Variants in EYS observed in about 807,000 individuals in gnomAD.
EYS encodes EGF-like photoreceptor maintenance factor, also known as protein eyes shut homolog.
A neutral mutation model predicts 282.1 loss-of-function variants in EYS; 250 were observed. The ratio of observed to expected loss-of-function variants is 0.89; its 90% confidence interval spans 0.80 to 0.98. The LOEUF (loss-of-function observed/expected upper bound fraction) is 0.98. EYS is among the 50% of genes least tolerant of loss of function. The pLI, the probability that EYS is intolerant of heterozygous loss-of-function variation, is 0.00. For synonymous variants in EYS, 1,355 were observed against 1,282.9 expected (o/e 1.06, Z -1.20); for missense variants, 4,016 against 3,709.0 (o/e 1.08, Z -2.15).
chr6:64,433,413 CA>C (rs747503284), intron 28 of EYS, among the ~76,000 whole-genome samples: 40 of 151,870 alleles, frequency 2.6e-4, no homozygotes, highest in South Asian at 2.5e-3. Context: ...TTTTTTTCCC[CA>C]GGACTATATT....
At chr6:63,896,183 G>C (rs1773533877) in intron 35 of EYS, among the ~76,000 whole-genome samples, 1 of 152,068 alleles carries the variant, frequency 6.6e-6, no homozygotes, top group African/African-American at 2.4e-5. Context: ...TGTTGCTTAT[G>C]AGTTCCAAAT....
At chr6:65,697,733 C>T (rs1484378421) in intron 1 of EYS, among the ~76,000 whole-genome samples, 1 of 152,056 alleles carries the variant, frequency 6.6e-6, no homozygotes, top group African/African-American at 2.4e-5. Context: ...TAAAATTAGA[C>T]GATGGAACCA....
chr6:65,249,587 T>C (rs191347602), intron 12 of EYS, among the ~76,000 whole-genome samples: 131 of 151,566 alleles, frequency 8.6e-4, no homozygotes, highest in African/African-American at 2.9e-3. Flanking sequence ...TTAAACACTA[T>C]CAAGAAAAGA....
At chr6:64,717,347 C>G (rs1312916575) in intron 22 of EYS, among the ~76,000 whole-genome samples, 1 of 152,166 alleles carries the variant, frequency 6.6e-6, no homozygotes, top group East Asian at 1.9e-4. Flanking sequence ...CAGCTGCTCC[C>G]CATTGCTCAT....
intron 31 of EYS, among the ~76,000 whole-genome samples, chr6:64,097,524 G>C (rs950861035): frequency 2.0e-5 from 3 of 152,132 alleles, no homozygotes; most frequent in African/African-American, 7.2e-5. Context: ...CAATGAACAA[G>C]GCTGCGTGGG....
chr6:64,294,895 T>C (rs1483957737), intron 30 of EYS, among the ~76,000 whole-genome samples: 1 of 152,190 alleles, frequency 6.6e-6, no homozygotes. Context: ...AAGGGGGGTA[T>C]GCATAATGTA....
Position 63,740,680 on chromosome 6 carries a change from T to A in EYS, c.8072-14000A>T, listed in dbSNP as rs550755401. Among the ~76,000 whole-genome samples the A allele has an allele frequency of 8.2e-4, 125 of 152,330 alleles. 1 individual carries two copies. Among genetic ancestry groups the A allele is most frequent in the African/African-American group, 2.8e-3 (116 of 41,586 alleles). ...GAGATAGATGAAGAAATATTTAGAATGGATTCTGTGTTTTGAAACAATGCA... is the reference window on the plus strand; with the variant it reads ...GAGATAGATGAAGAAATATTTAGAAAGGATTCTGTGTTTTGAAACAATGCA... On this transcript the variant is annotated intron_variant, in intron 41 of 42. Coordinates refer to ENST00000503581, the MANE Select transcript of EYS (RefSeq NM_001142800.2).
At chr6:64,073,883 T>C (rs1771676542) in intron 32 of EYS, among the ~76,000 whole-genome samples, 1 of 151,760 alleles carries the variant, frequency 6.6e-6, no homozygotes. Context: ...AGGCAGGACT[T>C]GAAAGCTCTA....
At chr6:65,089,245 C>T (rs1003201232) in intron 12 of EYS, among the ~76,000 whole-genome samples, 2 of 152,112 alleles carry the variant, frequency 1.3e-5, no homozygotes, top group Admixed American at 6.5e-5. Context: ...CTATGACTAG[C>T]ACCTTACACT....
At chr6:65,040,545 G>A (rs1476684315) in intron 13 of EYS, among the ~76,000 whole-genome samples, 1 of 151,540 alleles carries the variant, frequency 6.6e-6, no homozygotes, top group Non-Finnish European at 1.5e-5. Flanking sequence ...ACATTACATT[G>A]TGATATGACC....
intron 26 of EYS, among the ~76,000 whole-genome samples, chr6:64,573,430 G>T (rs1465042201): frequency 1.3e-5 from 2 of 152,096 alleles, no homozygotes; most frequent in Non-Finnish European, 2.9e-5. Context: ...TTGCAAATGG[G>T]ATCTAATTAA....
At chr6:65,291,002 T>C (rs1474238950) in intron 12 of EYS, among the ~76,000 whole-genome samples, 1 of 151,494 alleles carries the variant, frequency 6.6e-6, no homozygotes, top group African/African-American at 2.4e-5. Context: ...GATCAAATGG[T>C]ATTAAACAAC....
At chr6:64,033,797 T>C (rs1309072730) in intron 33 of EYS, among the ~76,000 whole-genome samples, 2 of 151,550 alleles carry the variant, frequency 1.3e-5, no homozygotes, top group Non-Finnish European at 2.9e-5. Flanking sequence ...CATTCAATTG[T>C]TGCAAAGTAA....
intron 22 of EYS, among the ~76,000 whole-genome samples, chr6:64,663,687 T>C (rs767972805): frequency 1.3e-5 from 2 of 152,134 alleles, no homozygotes; most frequent in Admixed American, 6.5e-5. Context: ...GTGAAAAATA[T>C]TGACGTTGCC....
At chr6:63,724,120 A>G (rs1306963560) in intron 42 of EYS, among the ~76,000 whole-genome samples, 1 of 152,144 alleles carries the variant, frequency 6.6e-6, no homozygotes. Flanking sequence ...GATTCGCATT[A>G]GAGTAAGAAA....
intron 35 of EYS, among the ~76,000 whole-genome samples, chr6:63,908,031 T>TATATATATAC (rs1491523191): frequency 0.013 from 663 of 50,194 alleles, 7 homozygotes; most frequent in African/African-American, 0.058. Context: ...TATATATATA[T>TATATATATAC]ACGTTTGTGT....
intron 33 of EYS, among the ~76,000 whole-genome samples, chr6:64,016,797 G>T (rs1020995915): frequency 2.6e-5 from 4 of 152,104 alleles, no homozygotes; most frequent in East Asian, 1.9e-4. Flanking sequence ...TCTAATGAGG[G>T]TATTGTACAT....
At chr6:65,052,928 T>A (rs2150155363) in intron 13 of EYS, among the ~76,000 whole-genome samples, 1 of 151,814 alleles carries the variant, frequency 6.6e-6, no homozygotes, top group South Asian at 2.1e-4. Context: ...ATTTGTTTTT[T>A]AAAAAATGAA....
chr6:65,587,911 C>T (rs549787210), intron 2 of EYS, among the ~76,000 whole-genome samples: 6 of 151,970 alleles, frequency 3.9e-5, no homozygotes, highest in Admixed American at 1.3e-4. Flanking sequence ...GAAATTACTA[C>T]GCTTTTATTA....
Sources: gnomAD v4.1 joint callset for allele counts (sites outside exome capture counted in the v4.1 genomes callset) on GRCh38, gnomAD v4.1.1 for gene constraint, MANE v1.5 for transcripts, NCBI Gene and HGNC (gene_info 2026-07-23, HGNC 2026-07-21) for gene names.